VPS8: variants seen among roughly 807,000 people sequenced by gnomAD.
VPS8 encodes the protein VPS8 subunit of CORVET complex.
A neutral mutation model predicts 216.4 loss-of-function variants in VPS8; 129 were observed. The observed-to-expected ratio is 0.60, with a 90% CI of 0.52 to 0.69. VPS8 has a LOEUF of 0.69. Ranked by LOEUF, VPS8 falls within the 30% of genes least tolerant of loss-of-function variation. VPS8 has a pLI of 0.00. For missense variants in VPS8, 1,531 were observed against 1,683.5 expected, an observed-to-expected ratio of 0.91 and a Z score of 1.59; for synonymous variants, 571 against 565.4, an observed-to-expected ratio of 1.01 and a Z score of -0.14.
chr3:185,036,222 AC>A (rs1758854416), intron 46 of VPS8, among the ~76,000 whole-genome samples: 1 of 152,202 alleles, frequency 6.6e-6, no homozygotes, highest in South Asian at 2.1e-4. Context: ...TTCCTATCAA[AC>A]TACCGACATA....
At position 184,869,042 on chromosome 3, in the gene VPS8, T is replaced by G; in HGVS notation, c.1597+6T>G. ...AAAAGCAAAAGCAGTAGTGGGTGAGTAGGCAGAATTCCAGTGTAGTAGACG... is the reference window on the plus strand; with the variant it reads ...AAAAGCAAAAGCAGTAGTGGGTGAGGAGGCAGAATTCCAGTGTAGTAGACG... On this transcript the variant is annotated splice_donor_region_variant and intron_variant, in intron 19 of 47. Transcript: ENST00000625842. 1 of 1,599,316 alleles carries G rather than the reference T, an allele frequency of 6.3e-7. No homozygotes were observed. Among genetic ancestry groups the G allele is most frequent in the Non-Finnish European group, 8.5e-7 (1 of 1,172,672 alleles).
chr3:184,894,508 G>GTGTGTATATA (rs1553857846), intron 22 of VPS8, among the ~76,000 whole-genome samples, 195 bp from the exon 23 acceptor site: 2 of 133,128 alleles, frequency 1.5e-5, no homozygotes, highest in African/African-American at 5.5e-5. Context: ...ATATACACAC[G>GTGTGTATATA]TATATATATA....
chr3:184,812,850 T>G (rs1248128161), intron 1 of VPS8: 3 of 152,252 alleles, frequency 2.0e-5, no homozygotes, highest in African/African-American at 7.2e-5. Context: ...CTCCAGGGAC[T>G]GATATCAAGG....
chr3:185,000,684 C>T (rs1753293117), intron 45 of VPS8, among the ~76,000 whole-genome samples: 1 of 150,884 alleles, frequency 6.6e-6, no homozygotes, highest in South Asian at 2.1e-4. Flanking sequence ...TCTCAGCTCA[C>T]TGCAAGCTCC....
intron 14 of VPS8, among the ~76,000 whole-genome samples, chr3:184,856,493 C>G (rs576275664): frequency 5.9e-5 from 9 of 152,194 alleles, no homozygotes; most frequent in Non-Finnish European, 1.3e-4. Flanking sequence ...TAATCTCTTG[C>G]GTTTCCTAGC....
At chr3:184,840,940 G>T (rs1425104039) in intron 7 of VPS8, among the ~76,000 whole-genome samples, 1 of 152,130 alleles carries the variant, frequency 6.6e-6, no homozygotes, top group Non-Finnish European at 1.5e-5. Flanking sequence ...TACCATGGAA[G>T]TGGATAACTA....
At chr3:185,001,894 A>G (rs2109920058) in intron 45 of VPS8, among the ~76,000 whole-genome samples, 1 of 152,340 alleles carries the variant, frequency 6.6e-6, no homozygotes, top group East Asian at 1.9e-4. Context: ...ATGTATTTTT[A>G]TTATACCACA....
chr3:184,926,770 C>A (rs1046213700), intron 31 of VPS8, 120 bp downstream of exon 31: 1 of 968,720 alleles, frequency 1.0e-6, no homozygotes, highest in Admixed American at 2.9e-5. Context: ...AACCCTAATA[C>A]GAAGTTAGAG....
At chr3:184,877,841 AAAAAG>A (rs1211999302) in intron 21 of VPS8, among the ~76,000 whole-genome samples, 1 of 152,228 alleles carries the variant, frequency 6.6e-6, no homozygotes, top group Admixed American at 6.5e-5. Context: ...GAAATATATG[AAAAAG>A]AAAATACAAA....
At chr3:184,924,131 T>C (rs1373459598) in intron 29 of VPS8, among the ~76,000 whole-genome samples, 1 of 152,240 alleles carries the variant, frequency 6.6e-6, no homozygotes, top group Non-Finnish European at 1.5e-5. Context: ...AAGCCTGTTA[T>C]ACAAAACCAT....
intron 5 of VPS8, chr3:184,836,389 C>A (rs1338244644): frequency 2.2e-6 from 1 of 446,922 alleles, no homozygotes; most frequent in Non-Finnish European, 4.5e-6. Flanking sequence ...TCATTTGACC[C>A]ACCTGTGCAG....
At chr3:184,982,730 C>G in intron 41 of VPS8, 83 bp downstream of exon 41, 2 of 1,153,196 alleles carry the variant, frequency 1.7e-6, no homozygotes, top group Non-Finnish European at 2.5e-6. Flanking sequence ...AGTATAATAT[C>G]TTTTTCCAAT....
intron 39 of VPS8, among the ~76,000 whole-genome samples, chr3:184,971,164 G>T (rs1748338821): frequency 6.6e-6 from 1 of 152,198 alleles, no homozygotes; most frequent in African/African-American, 2.4e-5. Context: ...TGTAGATTTT[G>T]AATGGAATAA....
chr3:184,894,490 A>C (rs967645090), intron 22 of VPS8, among the ~76,000 whole-genome samples: 1 of 138,722 alleles, frequency 7.2e-6, no homozygotes, highest in Non-Finnish European at 1.5e-5. Flanking sequence ...GATTTTATAT[A>C]TATGTATATA....
At chr3:184,819,927 T>C (rs961649800) in intron 1 of VPS8, among the ~76,000 whole-genome samples, 1 of 152,212 alleles carries the variant, frequency 6.6e-6, no homozygotes, top group African/African-American at 2.4e-5. Context: ...AGAGGAAATA[T>C]ACTTGCTTTT....
chr3:184,983,472 A>G (rs1750545487), intron 42 of VPS8, among the ~76,000 whole-genome samples: 1 of 152,146 alleles, frequency 6.6e-6, no homozygotes, highest in Non-Finnish European at 1.5e-5. Context: ...TTTCCTAAGC[A>G]TTGGTTGTTA....
At chr3:184,899,075 A>G (rs1349243676) in intron 24 of VPS8, among the ~76,000 whole-genome samples, 9 of 152,188 alleles carry the variant, frequency 5.9e-5, no homozygotes, top group Non-Finnish European at 1.0e-4. Context: ...GCTCCTGAAA[A>G]TGGTAGGAGG....
intron 35 of VPS8, among the ~76,000 whole-genome samples, chr3:184,938,102 A>G (rs1741965403): frequency 1.3e-5 from 2 of 152,190 alleles, no homozygotes. Flanking sequence ...GATGGAGAGG[A>G]CTAGCACTAA....
chr3:184,874,542 A>C (rs985948568), intron 21 of VPS8, among the ~76,000 whole-genome samples: 4 of 152,222 alleles, frequency 2.6e-5, no homozygotes, highest in Non-Finnish European at 5.9e-5. Flanking sequence ...GAAGATTAAC[A>C]TCAAGACTTA....
Sources: gnomAD v4.1 joint callset for allele counts (sites outside exome capture counted in the v4.1 genomes callset) on GRCh38, gnomAD v4.1.1 for gene constraint, MANE v1.5 for transcripts, NCBI Gene and HGNC (gene_info 2026-07-23, HGNC 2026-07-21) for gene names.